Variants in PPP6R3 observed in about 807,000 individuals in gnomAD.
PPP6R3 encodes the protein protein phosphatase 6 regulatory subunit 3.
Under a neutral mutation model 110.7 loss-of-function variants are expected in PPP6R3, and 38 were observed. That is an observed-to-expected ratio of 0.34 (90% CI 0.26 to 0.45). The LOEUF is 0.45. PPP6R3 is among the 20% of genes least tolerant of loss of function. The pLI, the probability that PPP6R3 is intolerant of heterozygous loss-of-function variation, is 1.00. For missense variants in PPP6R3, 870 were observed against 1,062.4 expected, an observed-to-expected ratio of 0.82 and a Z score of 2.52; for synonymous variants, 369 against 373.5, an observed-to-expected ratio of 0.99 and a Z score of 0.14.
At chr11:68,558,182 G>A (rs2099406515) in intron 7 of PPP6R3, 1 of 155,188 alleles carries the variant, frequency 6.4e-6, no homozygotes, top group South Asian at 2.0e-4. Flanking sequence ...CTTTAGTGAG[G>A]GTGAAAGGTT....
chr11:68,567,309 C>A, intron 10 of PPP6R3, 143 bp downstream of exon 10: 1 of 922,852 alleles, frequency 1.1e-6, no homozygotes, highest in Non-Finnish European at 1.5e-6. Context: ...TAGTTTTTGC[C>A]TTGAGTTTAT....
intron 5 of PPP6R3, among the ~76,000 whole-genome samples, chr11:68,549,166 C>T (rs934913914): frequency 1.3e-5 from 2 of 152,236 alleles, no homozygotes; most frequent in African/African-American, 4.8e-5. Flanking sequence ...GCTGGGATTA[C>T]AGGCGTGAGC....
chr11:68,485,273 C>CTTTTT, intron 1 of PPP6R3, among the ~76,000 whole-genome samples: 1 of 84,740 alleles, frequency 1.2e-5, no homozygotes, highest in Non-Finnish European at 2.5e-5. Flanking sequence ...AGTTCTGGGA[C>CTTTTT]TTTTTTTTTT....
intron 6 of PPP6R3, among the ~76,000 whole-genome samples, chr11:68,551,969 C>T (rs143107535): frequency 6.6e-6 from 1 of 152,250 alleles, no homozygotes; most frequent in East Asian, 1.9e-4. Flanking sequence ...GGCCTTAGTC[C>T]TAGGTGCTAA....
intron 14 of PPP6R3, among the ~76,000 whole-genome samples, chr11:68,580,992 C>T (rs949108465): frequency 1.7e-4 from 26 of 151,936 alleles, no homozygotes; most frequent in African/African-American, 5.3e-4. Flanking sequence ...AGGATGGTCT[C>T]GATCTCCTGA....
chr11:68,488,641 G>A (rs2098963985), intron 1 of PPP6R3: 6 of 152,678 alleles, frequency 3.9e-5, no homozygotes, highest in African/African-American at 1.4e-4. Context: ...GCACCTGGGG[G>A]GTCCTGATGG....
In PPP6R3 at chr11:68,485,321, T is replaced by C. The variant is rs149732237; in HGVS notation, c.-158+24494T>C. ...TTCCTTCACATTTTCTCCATCATGT[T>C]GTCTGTCAACAAAGACAGTTTTATT... On this transcript the variant is annotated intron_variant, in intron 1 of 23. Transcript: ENST00000393800. 3.1e-3 allele frequency among the ~76,000 whole-genome samples: 477 copies of C among 151,600 alleles called. 6 individuals carry two copies. The highest frequency in any genetic ancestry group is 0.011 in the African/African-American group (456 of 41,306).
intron 2 of PPP6R3, among the ~76,000 whole-genome samples, chr11:68,530,417 T>C (rs2099231464): frequency 6.6e-6 from 1 of 152,254 alleles, no homozygotes; most frequent in African/African-American, 2.4e-5. Context: ...ACACATTTTG[T>C]TGTCTTAAGT....
chr11:68,600,626 A>G, intron 20 of PPP6R3, 132 bp downstream of exon 20: 2 of 972,494 alleles, frequency 2.1e-6, no homozygotes, highest in Non-Finnish European at 3.0e-6. Flanking sequence ...AAGATTAAAC[A>G]TCAGCATACT....
chr11:68,560,536 T>G (rs564010959), intron 8 of PPP6R3, among the ~76,000 whole-genome samples: 10 of 152,326 alleles, frequency 6.6e-5, no homozygotes, highest in African/African-American at 2.4e-4. Flanking sequence ...AGCAGCCCCA[T>G]ATCAGTTGAA....
At chr11:68,502,855 C>T (rs1270083179) in intron 1 of PPP6R3, among the ~76,000 whole-genome samples, 2 of 152,200 alleles carry the variant, frequency 1.3e-5, no homozygotes, top group Admixed American at 6.5e-5. Context: ...GAAATGTCTA[C>T]TAGTCATTGG....
chr11:68,536,564 G>A (rs530435796), intron 2 of PPP6R3, among the ~76,000 whole-genome samples: 4 of 152,130 alleles, frequency 2.6e-5, no homozygotes, highest in Admixed American at 1.3e-4. Context: ...CTGTGTGCCC[G>A]GCCCAAATAC....
chr11:68,566,393 A>G (rs1593254219), intron 9 of PPP6R3, among the ~76,000 whole-genome samples: 1 of 147,900 alleles, frequency 6.8e-6, no homozygotes, highest in East Asian at 2.0e-4. Flanking sequence ...ACAGTGTCTC[A>G]CTCTTGCTCA....
chr11:68,528,444 G>GGC lies in PPP6R3; in HGVS notation c.-7+8793_-7+8794insGC, dbSNP rs869134897. 1.7e-3 allele frequency among the ~76,000 whole-genome samples: 232 copies of GGC among 135,028 alleles called. 1 individual carries two copies. The highest frequency in any genetic ancestry group is 5.2e-3 in the African/African-American group (194 of 37,314). 88.6% of individuals were successfully genotyped at this position (135,028 alleles called of 152,430 possible). A position where few individuals can be genotyped will look rare whatever the true frequency, so the allele number is the denominator to read the frequency against. ...TTAATTTGTGTGTGTGGGGGGGGGGGCTGCACCTTTATGAAATTGACACTT... is the reference window on the plus strand; with the variant it reads ...TTAATTTGTGTGTGTGGGGGGGGGGGGCCTGCACCTTTATGAAATTGACACTT... On this transcript the variant is annotated intron_variant, in intron 2 of 23. Transcript: ENST00000393800.
At chr11:68,539,739 G>A (rs1478016795) in intron 3 of PPP6R3, among the ~76,000 whole-genome samples, 1 of 152,180 alleles carries the variant, frequency 6.6e-6, no homozygotes, top group Non-Finnish European at 1.5e-5. Flanking sequence ...GCTGTATTGG[G>A]GTAAACCAGA....
At chr11:68,483,662 A>G (rs1478873834) in intron 1 of PPP6R3, among the ~76,000 whole-genome samples, 1 of 152,158 alleles carries the variant, frequency 6.6e-6, no homozygotes, top group Non-Finnish European at 1.5e-5. Flanking sequence ...TTGTGTTTTT[A>G]GTAGAGACAG....
In PPP6R3 at chr11:68,614,344, A is replaced by G; in HGVS notation, c.*1227A>G. 8.7e-7 allele frequency: 1 copy of G among 1,150,306 alleles called. No individual in the cohort carries two copies. Among genetic ancestry groups the G allele is most frequent in the Non-Finnish European group, 1.1e-6 (1 of 931,756 alleles). The allele number at this position is 1,150,306 out of a possible 1,614,324, so 71.3% of individuals were successfully genotyped here. A position where few individuals can be genotyped will look rare whatever the true frequency, so the allele number is the denominator to read the frequency against. ...CCTTCTCAAACAGCTCAAGCAATATATTGTATATTGCCATATCGTCTGGTG... is the reference window on the plus strand; with the variant it reads ...CCTTCTCAAACAGCTCAAGCAATATGTTGTATATTGCCATATCGTCTGGTG... On this transcript the variant is annotated 3_prime_UTR_variant, in exon 24 of 24. Transcript: ENST00000393800.
At chr11:68,538,029 T>TCTCC in intron 3 of PPP6R3, 138 bp downstream of exon 3, 1 of 617,280 alleles carries the variant, frequency 1.6e-6, no homozygotes, top group Non-Finnish European at 2.7e-6. Flanking sequence ...ACAGGCTCGG[T>TCTCC]GGAGCGCAAA....
intron 15 of PPP6R3, chr11:68,586,553 G>C (rs574025635): frequency 6.6e-6 from 1 of 152,050 alleles, no homozygotes; most frequent in African/African-American, 2.4e-5. Context: ...GGCAAGAAAG[G>C]GGGCAGCACA....
Sources: gnomAD v4.1 joint callset for allele counts (sites outside exome capture counted in the v4.1 genomes callset) on GRCh38, gnomAD v4.1.1 for gene constraint, MANE v1.5 for transcripts, NCBI Gene and HGNC (gene_info 2026-07-23, HGNC 2026-07-21) for gene names.